The following SLIT2 variants were observed in gnomAD, a reference collection of about 807,000 sequenced individuals.
SLIT2 encodes slit guidance ligand 2.
A neutral mutation model predicts 185.7 loss-of-function variants in SLIT2; 41 were observed. That is an observed-to-expected ratio of 0.22 (90% CI 0.17 to 0.29). The LOEUF is 0.29. Among genes scored for constraint, SLIT2 ranks in the 10% least tolerant of loss-of-function variants. SLIT2 has a pLI of 1.00. For synonymous variants in SLIT2, 693 were observed against 680.2 expected, an observed-to-expected ratio of 1.02 and a Z score of -0.29; for missense variants, 1,571 against 1,909.0, an observed-to-expected ratio of 0.82 and a Z score of 3.30.
At chr4:20,374,363 A>G (rs1187145970) in intron 4 of SLIT2, among the ~76,000 whole-genome samples, 1 of 152,136 alleles carries the variant, frequency 6.6e-6, no homozygotes, top group Non-Finnish European at 1.5e-5. Flanking sequence ...TAATGAATAC[A>G]TGAAGCAAAA....
chr4:20,492,996 A>G (rs937273582), intron 9 of SLIT2, among the ~76,000 whole-genome samples: 1 of 152,200 alleles, frequency 6.6e-6, no homozygotes, highest in Non-Finnish European at 1.5e-5. Context: ...TAACATATAA[A>G]CATAATAATA....
chr4:20,442,139 G>A (rs1262072410), intron 4 of SLIT2, among the ~76,000 whole-genome samples: 1 of 152,076 alleles, frequency 6.6e-6, no homozygotes, highest in Non-Finnish European at 1.5e-5. Flanking sequence ...TCCACCAATG[G>A]AGAACAGATT....
chr4:20,602,657 G>C (rs1728496831), intron 33 of SLIT2, among the ~76,000 whole-genome samples: 1 of 152,158 alleles, frequency 6.6e-6, no homozygotes. Context: ...GTTTCCAGGA[G>C]ATCTTGTACT....
chr4:20,577,045 G>A (rs1304435254), intron 29 of SLIT2, among the ~76,000 whole-genome samples: 3 of 151,544 alleles, frequency 2.0e-5, no homozygotes, highest in Non-Finnish European at 4.4e-5. Flanking sequence ...AGGACACCAT[G>A]CTAAGTATTG....
At chr4:20,326,622 T>C (rs187378621) in intron 4 of SLIT2, among the ~76,000 whole-genome samples, 175 of 152,084 alleles carry the variant, frequency 1.2e-3, no homozygotes, top group Middle Eastern at 3.4e-3. Flanking sequence ...CTAACCTCTT[T>C]TAGTAAGACT....
At chr4:20,307,231 T>TTTCC (rs71181557) in intron 4 of SLIT2, among the ~76,000 whole-genome samples, 15,771 of 57,456 alleles carry the variant, frequency 0.27, 2,596 homozygotes, top group Middle Eastern at 0.39. Flanking sequence ...CTCTATTTCT[T>TTTCC]TTCCTTCCTT....
rs186209898 is a variant in SLIT2, at chr4:20,490,881, G to A, written c.776-880G>A. The A allele has an allele frequency of 3.8e-3, 4,736 of 1,258,500 alleles. 21 individuals carry two copies. Among genetic ancestry groups the A allele is most frequent in the Non-Finnish European group, 4.3e-3 (3,848 of 896,428 alleles). The allele number at this position is 1,258,500 out of a possible 1,614,324, so 78.0% of individuals were successfully genotyped here. ...GTTTAAGAGCTTGTTTAGAGGGATAGAATTAGCAGCTGGCTTGCAGCCTCT... is the reference window on the plus strand; with the variant it reads ...GTTTAAGAGCTTGTTTAGAGGGATAAAATTAGCAGCTGGCTTGCAGCCTCT... On this transcript the variant is annotated intron_variant, in intron 8 of 36. Coordinates refer to ENST00000504154, the MANE Select transcript of SLIT2 (RefSeq NM_004787.4).
At chr4:20,463,716 TA>T (rs1407252033) in intron 4 of SLIT2, among the ~76,000 whole-genome samples, 16 of 149,590 alleles carry the variant, frequency 1.1e-4, no homozygotes, top group African/African-American at 3.5e-4. Flanking sequence ...GTACTAAAAA[TA>T]CAAAAAAAAT....
In SLIT2 at chr4:20,286,307, CA is replaced by C. The variant is rs1715262329; in HGVS notation, c.395+17429del. On this transcript the variant is annotated intron_variant, in intron 4 of 36. Coordinates refer to ENST00000504154, the MANE Select transcript of SLIT2 (RefSeq NM_004787.4). Reference sequence around the variant, plus strand: ...CCCCCACCCTCATCCCATCATTTTCCAAACTTGAAGTTTAATGTCACTCTTG... The same window carrying C: ...CCCCCACCCTCATCCCATCATTTTCCAACTTGAAGTTTAATGTCACTCTTG... Among the ~76,000 whole-genome samples, 11 of 152,210 alleles carry C rather than the reference CA, an allele frequency of 7.2e-5. No individual in the cohort carries two copies. The South Asian group carries it at 2.3e-3, about 32-fold the overall frequency.
At chr4:20,409,987 A>G (rs919533410) in intron 4 of SLIT2, among the ~76,000 whole-genome samples, 6 of 152,058 alleles carry the variant, frequency 3.9e-5, no homozygotes, top group Non-Finnish European at 8.8e-5. Context: ...AGATAAATGG[A>G]TTGCAAAAGA....
chr4:20,255,040 C>A, intron 1 of SLIT2: 3 of 456,312 alleles, frequency 6.6e-6, no homozygotes, highest in Non-Finnish European at 1.3e-5. Flanking sequence ...TTGTGAACGC[C>A]GAGGCCGCCG....
chr4:20,400,135 G>A (rs972003712), intron 4 of SLIT2, among the ~76,000 whole-genome samples: 4 of 151,660 alleles, frequency 2.6e-5, no homozygotes, highest in Non-Finnish European at 4.4e-5. Context: ...TTTAATGGAG[G>A]GGGACTTTCT....
chr4:20,471,752 T>C (rs1197720682), intron 5 of SLIT2, among the ~76,000 whole-genome samples: 2 of 152,154 alleles, frequency 1.3e-5, no homozygotes, highest in East Asian at 1.9e-4. Flanking sequence ...CAATATGAAA[T>C]TGATGCTGTG....
At chr4:20,348,717 T>C (rs1205262542) in intron 4 of SLIT2, among the ~76,000 whole-genome samples, 3 of 152,202 alleles carry the variant, frequency 2.0e-5, no homozygotes, top group Admixed American at 6.5e-5. Context: ...AAGTGCTCTG[T>C]CATTAAGAGT....
At chr4:20,578,318 T>G (rs1159078928) in intron 29 of SLIT2, among the ~76,000 whole-genome samples, 2 of 152,130 alleles carry the variant, frequency 1.3e-5, no homozygotes, top group African/African-American at 4.8e-5. Flanking sequence ...ATCATATTTT[T>G]TATCTATTAG....
chr4:20,469,173 T>A (rs921673863), intron 5 of SLIT2, among the ~76,000 whole-genome samples: 2 of 152,196 alleles, frequency 1.3e-5, no homozygotes, highest in Admixed American at 1.3e-4. Context: ...TGTTCAAATC[T>A]ACCTGGATAG....
At chr4:20,594,265 A>G (rs1345636326) in intron 30 of SLIT2, among the ~76,000 whole-genome samples, 2 of 150,470 alleles carry the variant, frequency 1.3e-5, no homozygotes, top group Non-Finnish European at 3.0e-5. Context: ...ACATACACGC[A>G]TATGTATGTG....
intron 29 of SLIT2, among the ~76,000 whole-genome samples, chr4:20,572,215 C>T (rs375410918): frequency 3.3e-5 from 5 of 152,158 alleles, no homozygotes; most frequent in Non-Finnish European, 7.4e-5. Flanking sequence ...ACCCTAGTCA[C>T]CAAAACCATT....
intron 4 of SLIT2, among the ~76,000 whole-genome samples, chr4:20,402,479 G>A (rs1436777535): frequency 1.3e-5 from 2 of 151,760 alleles, no homozygotes; most frequent in South Asian, 2.1e-4. Flanking sequence ...ATTTATTGTT[G>A]TAGTACTTTG....
Sources: allele counts gnomAD v4.1 joint callset (sites outside exome capture counted in the v4.1 genomes callset), GRCh38; gene constraint gnomAD v4.1.1; transcripts MANE v1.5; gene names NCBI Gene and HGNC (gene_info 2026-07-23, HGNC 2026-07-21).